DYSF: variants seen among roughly 807,000 people sequenced by gnomAD.
The protein encoded by DYSF is dystrophy-associated fer-1-like 1.
A neutral mutation model predicts 274.9 loss-of-function variants in DYSF; 212 were observed. The ratio of observed to expected loss-of-function variants is 0.77; its 90% confidence interval spans 0.69 to 0.86. DYSF has a LOEUF of 0.86. Among genes scored for constraint, DYSF ranks in the 40% least tolerant of loss-of-function variants. The pLI is 0.00. For synonymous variants in DYSF, 1,091 were observed against 1,078.7 expected, an observed-to-expected ratio of 1.01 and a Z score of -0.22; for missense variants, 2,666 against 2,783.2, an observed-to-expected ratio of 0.96 and a Z score of 0.95.
At chr2:71,463,214 G>T (rs77516307), upstream of DYSF, among the ~76,000 whole-genome samples, 3,920 of 152,326 alleles carry the variant, frequency 0.026, 161 homozygotes, top group African/African-American at 0.086. Context: ...AGGCAGCAGG[G>T]GGCTGGCATC....
At chr2:71,517,453 G>T (rs2086777758) in intron 10 of DYSF, among the ~76,000 whole-genome samples, 1 of 152,168 alleles carries the variant, frequency 6.6e-6, no homozygotes, top group Non-Finnish European at 1.5e-5. Context: ...AATGACATTT[G>T]TATACTAAAG....
chr2:71,674,586 G>C (rs534042034), intron 52 of DYSF, among the ~76,000 whole-genome samples: 2 of 152,232 alleles, frequency 1.3e-5, no homozygotes, highest in Admixed American at 6.5e-5. Flanking sequence ...AGCGAGGGAC[G>C]CAAGTGTGTG....
In DYSF at chr2:71,615,037, T is replaced by C. The variant is rs564299014; in HGVS notation, c.4464+1627T>C. On this transcript the variant is annotated intron_variant, in intron 40 of 55. Coordinates refer to ENST00000410020, the MANE Select transcript of DYSF (RefSeq NM_001130987.2). The surrounding 1 kb of genome is among the most constrained non-coding windows in gnomAD (Gnocchi z 4.9). ...GCCTGTCTGAGATTGTGCAGGGAAG[T>C]GCAGGGCCTGCCCAGCAGGATTTCC... 2.0e-5 allele frequency among the ~76,000 whole-genome samples: 3 copies of C among 152,274 alleles called. No individual in the cohort carries two copies. Among genetic ancestry groups the C allele is most frequent in the East Asian group, 3.9e-4 (2 of 5,174 alleles).
At position 71,568,408 on chromosome 2, in the gene DYSF, T is replaced by G. The variant is rs1172552237; in HGVS notation, c.2864+70T>G. On this transcript the variant is annotated intron_variant, in intron 26 of 55. Coordinates refer to ENST00000410020, the MANE Select transcript of DYSF (RefSeq NM_001130987.2). ...CCCACCATGGACTGCACCCTCCTTT[T>G]GGAGGCAGGCTGGGGTCTGTTGATC... 5 of 1,582,738 alleles carry G rather than the reference T, an allele frequency of 3.2e-6. No individual in the cohort carries two copies. The South Asian group carries it at 4.6e-5, about 14-fold the overall frequency.
intron 52 of DYSF, among the ~76,000 whole-genome samples, chr2:71,678,384 C>T (rs988518359): frequency 6.6e-6 from 1 of 152,004 alleles, no homozygotes; most frequent in South Asian, 2.1e-4. Context: ...ATATATACAA[C>T]AAGGATGAAC....
chr2:71,617,858 G>A (rs1452490330), intron 40 of DYSF, among the ~76,000 whole-genome samples: 55 of 31,316 alleles, frequency 1.8e-3, no homozygotes, highest in Non-Finnish European at 3.4e-3. Context: ...GAGATGGGGT[G>A]TGTGTGTGTG....
chr2:71,569,807 C>G lies in DYSF; in HGVS notation c.2865-13C>G, dbSNP rs779030222. ...GCAGAGCAGCAGAGACTCTGACCAG[C>G]CCTCCTCCACAGTCTGCTCCATGAC... On this transcript the variant is annotated splice_polypyrimidine_tract_variant and intron_variant, in intron 26 of 55. Coordinates refer to ENST00000410020, the MANE Select transcript of DYSF (RefSeq NM_001130987.2). 1.9e-6 allele frequency: 3 copies of G among 1,609,548 alleles called. No individual in the cohort carries two copies. The highest frequency in any genetic ancestry group is 2.5e-6 in the Non-Finnish European group (3 of 1,176,654).
At chr2:71,468,216 C>T (rs888085744) in intron 1 of DYSF, among the ~76,000 whole-genome samples, 2 of 152,198 alleles carry the variant, frequency 1.3e-5, no homozygotes, top group Non-Finnish European at 2.9e-5. Flanking sequence ...TGCGGTGTCA[C>T]CATTGGCTGG....
In DYSF at chr2:71,589,473, A is replaced by G. The variant is rs1327041207; in HGVS notation, c.3403-120A>G. 3.4e-5 allele frequency: 27 copies of G among 800,918 alleles called. No homozygotes were observed. In the East Asian group the frequency reaches 6.4e-4, roughly 19 times the overall value. 49.6% of individuals were successfully genotyped at this position (800,918 alleles called of 1,614,324 possible). A position where few individuals can be genotyped will look rare whatever the true frequency, so the allele number is the denominator to read the frequency against. Reference sequence around the variant, plus strand: ...CCCCAGAATGAAATTAGAGGCTGAGAGTTCAGCTTTCGGCAGCGGAGAGAT... The same window carrying G: ...CCCCAGAATGAAATTAGAGGCTGAGGGTTCAGCTTTCGGCAGCGGAGAGAT... On this transcript the variant is annotated intron_variant, in intron 30 of 55. Transcript: ENST00000410020.
chr2:71,539,731 A>ATATG (rs2089740644), intron 17 of DYSF, among the ~76,000 whole-genome samples: 1 of 152,202 alleles, frequency 6.6e-6, no homozygotes, highest in Non-Finnish European at 1.5e-5. Flanking sequence ...ATGTATGTAT[A>ATATG]TATGTATGTA....
exon 1 of DYSF, chr2:71,453,906 C>G: frequency 7.8e-7 from 1 of 1,287,618 alleles, no homozygotes; most frequent in East Asian, 2.4e-5. Flanking sequence ...CAGCCCTCTC[C>G]AGCGAGGGGA....
chr2:71,467,338 TTTCA>T (rs143817784), intron 1 of DYSF, among the ~76,000 whole-genome samples: 13 of 151,910 alleles, frequency 8.6e-5, no homozygotes, highest in African/African-American at 2.7e-4. Flanking sequence ...TTGTGTCTTT[TTTCA>T]TTCATTCATT....
At chr2:71,521,409 A>G (rs2087259481) in intron 12 of DYSF, among the ~76,000 whole-genome samples, 1 of 152,188 alleles carries the variant, frequency 6.6e-6, no homozygotes, top group Non-Finnish European at 1.5e-5. Context: ...GAGGGGTTAG[A>G]TTTAATGAAA....
chr2:71,660,297 C>T (rs1573017931), intron 44 of DYSF, among the ~76,000 whole-genome samples: 1 of 152,310 alleles, frequency 6.6e-6, no homozygotes, highest in East Asian at 1.9e-4. Context: ...AGGGCCTGGC[C>T]TCTCCCAATG....
At chr2:71,499,900 C>A (rs556009053) in intron 3 of DYSF, among the ~76,000 whole-genome samples, 1 of 152,312 alleles carries the variant, frequency 6.6e-6, no homozygotes, top group African/African-American at 2.4e-5. Context: ...CATGTAGGCT[C>A]TGCTCTGCAC....
intron 32 of DYSF, among the ~76,000 whole-genome samples, chr2:71,597,785 C>T (rs1014790482): frequency 3.3e-5 from 5 of 152,184 alleles, no homozygotes; most frequent in African/African-American, 1.2e-4. Context: ...CACACCCCTA[C>T]TGCTAAATAG....
At chr2:71,647,466 G>T (rs887556902) in intron 42 of DYSF, among the ~76,000 whole-genome samples, 1 of 152,112 alleles carries the variant, frequency 6.6e-6, no homozygotes, top group Non-Finnish European at 1.5e-5. Context: ...ATTTTATTGG[G>T]ACTTCCAGTA....
intron 3 of DYSF, among the ~76,000 whole-genome samples, chr2:71,482,639 G>A (rs1490272250): frequency 1.3e-5 from 2 of 152,070 alleles, no homozygotes; most frequent in Admixed American, 6.5e-5. Flanking sequence ...CCTTGTAAAC[G>A]GAGGTGGTGG....
chr2:71,474,555 C>T (rs963768982), intron 1 of DYSF, among the ~76,000 whole-genome samples: 5 of 152,224 alleles, frequency 3.3e-5, no homozygotes, highest in African/African-American at 4.8e-5. Flanking sequence ...TCCTAATTAT[C>T]AATGTGCCTT....
Sources: gnomAD v4.1 joint callset for allele counts (sites outside exome capture counted in the v4.1 genomes callset) on GRCh38, gnomAD v4.1.1 for gene constraint, Gnocchi (gnomAD v3.1) non-coding constraint, MANE v1.5 for transcripts, NCBI Gene and HGNC (gene_info 2026-07-23, HGNC 2026-07-21) for gene names.